Variants in NSMCE2 observed in about 807,000 individuals in gnomAD.
NSMCE2 encodes the protein NSE2 SUMO ligase component of SMC5/6 complex.
Under a neutral mutation model 23.8 loss-of-function variants are expected in NSMCE2, and 24 were observed. That is an observed-to-expected ratio of 1.01 (90% CI 0.73 to 1.42). The LOEUF is 1.42. Ranked by LOEUF, NSMCE2 falls within the 40% of genes most tolerant of loss-of-function variation. The pLI is 0.00. For missense variants in NSMCE2, 284 were observed against 296.5 expected, an observed-to-expected ratio of 0.96 and a Z score of 0.31; for synonymous variants, 92 against 94.1, an observed-to-expected ratio of 0.98 and a Z score of 0.13.
chr8:125,159,724 G>T (rs1407713662), intron 4 of NSMCE2, among the ~76,000 whole-genome samples: 1 of 152,008 alleles, frequency 6.6e-6, no homozygotes, highest in Non-Finnish European at 1.5e-5. Flanking sequence ...GTCTCAAATT[G>T]CTCAGTTGGT....
At chr8:125,094,129 A>C (rs1817816394) in intron 1 of NSMCE2, among the ~76,000 whole-genome samples, 1 of 152,140 alleles carries the variant, frequency 6.6e-6, no homozygotes, top group African/African-American at 2.4e-5. Context: ...GCTGAGATTA[A>C]GAATATTGGG....
chr8:125,225,852 A>G (rs1476898607), intron 5 of NSMCE2, among the ~76,000 whole-genome samples: 2 of 152,182 alleles, frequency 1.3e-5, no homozygotes, highest in African/African-American at 2.4e-5. Flanking sequence ...GTAAAATAAC[A>G]CGCTTTAACT....
chr8:125,238,318 G>C (rs535433346), intron 5 of NSMCE2, among the ~76,000 whole-genome samples: 13 of 152,016 alleles, frequency 8.6e-5, no homozygotes, highest in African/African-American at 3.1e-4. Context: ...ATTTCAAAGG[G>C]TTTCAAGTTC....
chr8:125,251,794 A>G (rs1826206509), intron 5 of NSMCE2, among the ~76,000 whole-genome samples: 1 of 152,192 alleles, frequency 6.6e-6, no homozygotes, highest in East Asian at 1.9e-4. Context: ...AAGTTAAATC[A>G]TTTGCTCAAG....
chr8:125,190,079 G>A (rs1425644049), intron 5 of NSMCE2, among the ~76,000 whole-genome samples: 1 of 152,150 alleles, frequency 6.6e-6, no homozygotes, highest in African/African-American at 2.4e-5. Context: ...AACCAAGATG[G>A]ACTTTTTCAG....
intron 5 of NSMCE2, among the ~76,000 whole-genome samples, chr8:125,219,044 GCTTGTGATT>G: frequency 6.6e-6 from 1 of 152,242 alleles, no homozygotes; most frequent in Admixed American, 6.5e-5. Flanking sequence ...AAATGTGAGT[GCTTGTGATT>G]CTTAATATAG....
intron 4 of NSMCE2, among the ~76,000 whole-genome samples, chr8:125,175,512 G>C (rs1248458251): frequency 3.9e-5 from 6 of 152,168 alleles, no homozygotes; most frequent in Non-Finnish European, 7.4e-5. Flanking sequence ...AAATCACTGG[G>C]TATGTGTTAT....
intron 3 of NSMCE2, among the ~76,000 whole-genome samples, chr8:125,115,855 C>A (rs566058753): frequency 4.6e-5 from 7 of 152,216 alleles, no homozygotes; most frequent in Middle Eastern, 3.2e-3. Flanking sequence ...GAAAAGGGAG[C>A]TGTCATAGCC....
rs59285361 is a variant in NSMCE2, at chr8:125,183,634, G to GGTGTGTGT, written c.418+1399_418+1406dup. Among the ~76,000 whole-genome samples, 753 of 147,578 alleles carry GGTGTGTGT rather than the reference G, an allele frequency of 5.1e-3. 8 individuals are homozygous for GGTGTGTGT. Among genetic ancestry groups the GGTGTGTGT allele is most frequent in the African/African-American group, 0.018 (718 of 40,056 alleles). Reference sequence around the variant, plus strand: ...TTATCCATGATATTTATTACTCAGTGGTGTGTGTGTGTGTGTGTGTGTGTG... The same window carrying GGTGTGTGT: ...TTATCCATGATATTTATTACTCAGTGGTGTGTGTGTGTGTGTGTGTGTGTGTGTGTGTG... On this transcript the variant is annotated intron_variant, in intron 5 of 7. Coordinates refer to ENST00000287437, the MANE Select transcript of NSMCE2 (RefSeq NM_173685.4).
At chr8:125,150,426 CTTTTTTTTTTTT>C (rs71295819) in intron 3 of NSMCE2, among the ~76,000 whole-genome samples, 2 of 61,850 alleles carry the variant, frequency 3.2e-5, no homozygotes, top group South Asian at 6.3e-4. Flanking sequence ...TTCTTTCTTT[CTTTTTTTTTTTT>C]TTTTTTTTTT....
intron 5 of NSMCE2, among the ~76,000 whole-genome samples, chr8:125,351,574 A>T (rs1243674746): frequency 6.6e-6 from 1 of 152,226 alleles, no homozygotes; most frequent in Non-Finnish European, 1.5e-5. Context: ...ATGTATATAG[A>T]AAATAATATG....
At chr8:125,096,269 A>G (rs907345643) in intron 1 of NSMCE2, among the ~76,000 whole-genome samples, 1 of 152,198 alleles carries the variant, frequency 6.6e-6, no homozygotes, top group African/African-American at 2.4e-5. Context: ...GAAGGCTGGA[A>G]AATGTGGAGC....
chr8:125,218,389 A>G (rs1387984435), intron 5 of NSMCE2, among the ~76,000 whole-genome samples: 1 of 151,902 alleles, frequency 6.6e-6, no homozygotes, highest in Non-Finnish European at 1.5e-5. Context: ...TTGGGATAAA[A>G]ATAGCATATT....
chr8:125,206,515 AGAAT>A (rs1432084850), intron 5 of NSMCE2, among the ~76,000 whole-genome samples: 2 of 152,178 alleles, frequency 1.3e-5, no homozygotes, highest in Non-Finnish European at 2.9e-5. Context: ...TGGAAAGGAG[AGAAT>A]GAATGCAAGA....
intron 4 of NSMCE2, among the ~76,000 whole-genome samples, chr8:125,177,713 T>C (rs1024336768): frequency 2.6e-5 from 4 of 152,216 alleles, no homozygotes; most frequent in African/African-American, 9.6e-5. Flanking sequence ...TAAGCTCACT[T>C]GCATCATTTT....
chr8:125,310,460 A>G (rs1462615360), intron 5 of NSMCE2, among the ~76,000 whole-genome samples: 1 of 152,228 alleles, frequency 6.6e-6, no homozygotes, highest in African/African-American at 2.4e-5. Context: ...AGCTATTGCA[A>G]TTATGTAAAA....
chr8:125,307,917 T>C (rs778114133), intron 5 of NSMCE2, among the ~76,000 whole-genome samples: 8 of 152,216 alleles, frequency 5.3e-5, no homozygotes, highest in Non-Finnish European at 1.2e-4. Flanking sequence ...TGTCAGTTTG[T>C]TGCAACATAC....
chr8:125,343,898 C>T (rs897586761), intron 5 of NSMCE2, among the ~76,000 whole-genome samples: 5 of 152,084 alleles, frequency 3.3e-5, no homozygotes, highest in East Asian at 1.9e-4. Context: ...CCCAGCTACT[C>T]GGGAGGCTGA....
intron 5 of NSMCE2, among the ~76,000 whole-genome samples, chr8:125,251,027 T>A (rs1030481854): frequency 6.6e-6 from 1 of 152,214 alleles, no homozygotes; most frequent in African/African-American, 2.4e-5. Flanking sequence ...AGAAAAATTA[T>A]ATAGCAGCTG....
Sources: allele counts gnomAD v4.1 joint callset (sites outside exome capture counted in the v4.1 genomes callset), GRCh38; gene constraint gnomAD v4.1.1; transcripts MANE v1.5; gene names NCBI Gene and HGNC (gene_info 2026-07-23, HGNC 2026-07-21).